The following DIP2C variants were observed in gnomAD, a reference collection of about 807,000 sequenced individuals.
The protein encoded by DIP2C is disco-interacting protein 2 homolog C.
A neutral mutation model predicts 192.4 loss-of-function variants in DIP2C; 33 were observed. The observed-to-expected ratio is 0.17, with a 90% CI of 0.13 to 0.23. The LOEUF is 0.23. Ranked by LOEUF, DIP2C falls within the 10% of genes least tolerant of loss-of-function variation. The probability of loss-of-function intolerance (pLI) is 1.00; values close to 1 mark genes in which losing one functional copy is unlikely to be tolerated. For synonymous variants in DIP2C, 979 were observed against 864.1 expected (o/e 1.13, Z -2.33); for missense variants, 1,537 against 2,110.1 (o/e 0.73, Z 5.32).
At chr10:381,997 T>G (rs547352044) in intron 17 of DIP2C, among the ~76,000 whole-genome samples, 1 of 152,260 alleles carries the variant, frequency 6.6e-6, no homozygotes, top group African/African-American at 2.4e-5. Context: ...GGCACCTACG[T>G]TGACCAAGGA....
intron 8 of DIP2C, among the ~76,000 whole-genome samples, chr10:409,489 G>C (rs1247539409): frequency 6.6e-6 from 1 of 152,202 alleles, no homozygotes; most frequent in Non-Finnish European, 1.5e-5. Flanking sequence ...CCAACAGTCA[G>C]AGCTGCCTGG....
intron 1 of DIP2C, among the ~76,000 whole-genome samples, chr10:657,683 T>A (rs1235715416): frequency 5.2e-4 from 15 of 29,012 alleles, no homozygotes; most frequent in East Asian, 4.1e-3. Flanking sequence ...CTGGACCTGA[T>A]GCTGGACCTG....
chr10:388,077 T>C (rs992264861), intron 13 of DIP2C, among the ~76,000 whole-genome samples: 1 of 152,034 alleles, frequency 6.6e-6, no homozygotes, highest in Non-Finnish European at 1.5e-5. Context: ...CTTCTCCTTT[T>C]ATATATTTCC....
rs144231711 is a variant in DIP2C at position 396,587 on chromosome 10, A to G, written c.1260+2522T>C. ...CTTAGAGACCTCAGAGCATGTCCAG[A>G]GAGCCCCTAACCATGGACATGAACA... On this transcript the variant is annotated intron_variant, in intron 10 of 36. Coordinates refer to ENST00000280886, the MANE Select transcript of DIP2C (RefSeq NM_014974.3). Among the ~76,000 whole-genome samples the G allele has an allele frequency of 8.7e-4, 133 of 152,280 alleles. No individual in the cohort carries two copies. The East Asian group carries it at 0.013, about 15-fold the overall frequency.
intron 1 of DIP2C, among the ~76,000 whole-genome samples, chr10:516,169 C>G (rs1322460138): frequency 6.8e-6 from 1 of 147,264 alleles, no homozygotes; most frequent in Non-Finnish European, 1.5e-5. Context: ...GGGCTGAAGG[C>G]AGGTTCTCCC....
At chr10:316,715 T>G (rs1231856466) in intron 31 of DIP2C, among the ~76,000 whole-genome samples, 3 of 152,234 alleles carry the variant, frequency 2.0e-5, no homozygotes, top group African/African-American at 7.2e-5. Flanking sequence ...CCCTGCCTTT[T>G]GCACACTAAA....
intron 10 of DIP2C, among the ~76,000 whole-genome samples, chr10:398,379 T>C (rs1041168202): frequency 1.3e-5 from 2 of 152,152 alleles, no homozygotes; most frequent in Non-Finnish European, 2.9e-5. Flanking sequence ...AATCAGAAAA[T>C]CTTAGAATCC....
chr10:284,983 C>G (rs758226556), intron 34 of DIP2C, among the ~76,000 whole-genome samples: 1 of 152,172 alleles, frequency 6.6e-6, no homozygotes, highest in Non-Finnish European at 1.5e-5. Flanking sequence ...GCCTACGTCT[C>G]GGGCAGCACC....
chr10:349,626 C>T (rs1363185271), intron 24 of DIP2C, among the ~76,000 whole-genome samples, 172 bp from the exon 25 acceptor site: 1 of 152,192 alleles, frequency 6.6e-6, no homozygotes, highest in African/African-American at 2.4e-5. Flanking sequence ...TTTTTAGCCT[C>T]CCCCAAAACT....
At chr10:317,894 T>C (rs886342410) in intron 31 of DIP2C, among the ~76,000 whole-genome samples, 1 of 152,242 alleles carries the variant, frequency 6.6e-6, no homozygotes, top group African/African-American at 2.4e-5. Context: ...CATCCCTCAA[T>C]TGTAAATTTT....
rs201368283 is a variant in DIP2C, at chr10:425,464, T to C, written c.395-2431A>G. Among the ~76,000 whole-genome samples the C allele has an allele frequency of 8.7e-4, 128 of 147,054 alleles. 1 individual carries two copies. The highest frequency in any genetic ancestry group is 2.8e-3 in the African/African-American group (108 of 39,222). ...GACACGGATGATACAGCATGACCAGTGGTGACTAATGTGAAATGGATACAG... is the reference window on the plus strand; with the variant it reads ...GACACGGATGATACAGCATGACCAGCGGTGACTAATGTGAAATGGATACAG... On this transcript the variant is annotated intron_variant, in intron 4 of 36. Coordinates refer to ENST00000280886, the MANE Select transcript of DIP2C (RefSeq NM_014974.3).
At chr10:489,466 G>A (rs1844270978) in intron 1 of DIP2C, among the ~76,000 whole-genome samples, 2 of 152,240 alleles carry the variant, frequency 1.3e-5, no homozygotes, top group South Asian at 2.1e-4. Flanking sequence ...CTAGCTGGCT[G>A]ACTACACAGT....
intron 1 of DIP2C, among the ~76,000 whole-genome samples, chr10:631,633 T>G (rs550227937): frequency 6.6e-6 from 1 of 152,350 alleles, no homozygotes; most frequent in South Asian, 2.1e-4. Flanking sequence ...TTTTAAATAT[T>G]TTTATATAGA....
rs529938324 is a variant in DIP2C at position 590,459 on chromosome 10, G to A, written c.85+99035C>T. ...CAAGGCCCAGTTCCTGCGAACCCAC[G>A]CCGAACCTCAGTGAGGAACTTGCTG... On this transcript the variant is annotated intron_variant, in intron 1 of 36. Coordinates refer to ENST00000280886, the MANE Select transcript of DIP2C (RefSeq NM_014974.3). Among the ~76,000 whole-genome samples the A allele has an allele frequency of 9.8e-5, 15 of 152,300 alleles. No individual in the cohort carries two copies. In the East Asian group the frequency reaches 1.7e-3, roughly 18 times the overall value.
In DIP2C at chr10:417,800, G is replaced by A. The variant is rs1197641040; in HGVS notation, c.739+1265C>T. On this transcript the variant is annotated intron_variant, in intron 6 of 36. Coordinates refer to ENST00000280886, the MANE Select transcript of DIP2C (RefSeq NM_014974.3). Reference sequence around the variant, plus strand: ...TGTCAGGGCTCGGATAGGCCTCCCTGTCCACCTGTTCCTGTCAGGGCGCGG... The same window carrying A: ...TGTCAGGGCTCGGATAGGCCTCCCTATCCACCTGTTCCTGTCAGGGCGCGG... Among the ~76,000 whole-genome samples, 4 of 105,586 alleles carry A rather than the reference G, an allele frequency of 3.8e-5. 2 individuals carry two copies. Among genetic ancestry groups the A allele is most frequent in the African/African-American group, 1.8e-4 (4 of 21,892 alleles). 69.3% of individuals were successfully genotyped at this position (105,586 alleles called of 152,430 possible).
chr10:612,034 G>A (rs1239953874), intron 1 of DIP2C, among the ~76,000 whole-genome samples: 4 of 152,074 alleles, frequency 2.6e-5, no homozygotes, highest in Non-Finnish European at 4.4e-5. Context: ...GGTGGCTCAC[G>A]CCTGTCATCC....
chr10:468,197 C>T (rs1253200216), intron 3 of DIP2C, among the ~76,000 whole-genome samples: 3 of 152,144 alleles, frequency 2.0e-5, no homozygotes, highest in Non-Finnish European at 4.4e-5. Flanking sequence ...ATTGTTAAAA[C>T]CACGTGAGCA....
At chr10:573,900 G>A (rs1371906132) in intron 1 of DIP2C, among the ~76,000 whole-genome samples, 1 of 152,164 alleles carries the variant, frequency 6.6e-6, no homozygotes, top group African/African-American at 2.4e-5. Context: ...GTTCTATAAA[G>A]TGGTACCATG....
At chr10:578,218 AG>A (rs1850300548) in intron 1 of DIP2C, among the ~76,000 whole-genome samples, 1 of 152,212 alleles carries the variant, frequency 6.6e-6, no homozygotes. Context: ...ACGTTAACAA[AG>A]AAGATACTGC....
Sources: allele counts gnomAD v4.1 joint callset (sites outside exome capture counted in the v4.1 genomes callset), GRCh38; gene constraint gnomAD v4.1.1; transcripts MANE v1.5; gene names NCBI Gene and HGNC (gene_info 2026-07-23, HGNC 2026-07-21).